Variants in NXN observed in about 807,000 individuals in gnomAD.
NXN encodes the protein nucleoredoxin 1.
NXN carries 16 observed loss-of-function variants against 48.6 expected under a neutral mutation model. That is an observed-to-expected ratio of 0.33 (90% CI 0.22 to 0.50). The LOEUF is 0.50. Among genes scored for constraint, NXN ranks in the 20% least tolerant of loss-of-function variants. The probability of loss-of-function intolerance (pLI) is 0.98; values close to 1 mark genes in which losing one functional copy is unlikely to be tolerated. For missense variants in NXN, 492 were observed against 605.5 expected (o/e 0.81, Z 1.97); for synonymous variants, 281 against 269.6 (o/e 1.04, Z -0.41).
At chr17:963,851 GCA>G (rs1246924423) in intron 1 of NXN, among the ~76,000 whole-genome samples, 4 of 152,110 alleles carry the variant, frequency 2.6e-5, no homozygotes, top group Admixed American at 6.6e-5. Flanking sequence ...GCCGAGGAGG[GCA>G]GATCACGAGG....
chr17:900,999 C>T (rs2068532796), intron 1 of NXN, among the ~76,000 whole-genome samples: 1 of 143,528 alleles, frequency 7.0e-6, no homozygotes, highest in Admixed American at 7.5e-5. Flanking sequence ...TGGTTCATTG[C>T]AACCTCCACC....
At chr17:877,778 AG>A (rs1480957524) in intron 1 of NXN, 21 of 152,256 alleles carry the variant, frequency 1.4e-4, no homozygotes, top group Non-Finnish European at 1.5e-5. Context: ...GTAGCGTCTG[AG>A]CTGCTCTGTG....
chr17:805,334 C>CAG, intron 5 of NXN, 87 bp from the exon 6 acceptor site: 1 of 1,417,682 alleles, frequency 7.1e-7, no homozygotes. Flanking sequence ...GCCCGGGGTC[C>CAG]CCCCGACCGT....
At chr17:846,881 T>A (rs1597659196) in intron 1 of NXN, among the ~76,000 whole-genome samples, 1 of 151,312 alleles carries the variant, frequency 6.6e-6, no homozygotes, top group East Asian at 1.9e-4. Context: ...GGTGGAGGGG[T>A]ACAATGAATT....
intron 1 of NXN, among the ~76,000 whole-genome samples, chr17:851,167 C>T (rs1169665852): frequency 6.6e-6 from 1 of 152,256 alleles, no homozygotes; most frequent in African/African-American, 2.4e-5. Context: ...AACCTGGTCT[C>T]CAGACCACCC....
chr17:813,630 G>A (rs1912296310), intron 5 of NXN, among the ~76,000 whole-genome samples: 1 of 152,240 alleles, frequency 6.6e-6, no homozygotes, highest in Non-Finnish European at 1.5e-5. Flanking sequence ...GTCAAGAAGT[G>A]CATGCATATT....
intron 1 of NXN, among the ~76,000 whole-genome samples, chr17:832,486 C>T (rs1358606666): frequency 6.6e-6 from 1 of 152,022 alleles, no homozygotes; most frequent in African/African-American, 2.4e-5. Flanking sequence ...TGCCCAGCCT[C>T]AGCCAGGAAT....
At chr17:916,867 C>T (rs562443478) in intron 1 of NXN, among the ~76,000 whole-genome samples, 8 of 152,192 alleles carry the variant, frequency 5.3e-5, no homozygotes, top group South Asian at 2.1e-4. Context: ...CATTGCACTC[C>T]GGCCTGGGCA....
intron 1 of NXN, among the ~76,000 whole-genome samples, chr17:841,279 C>A (rs1914162988): frequency 6.6e-6 from 1 of 152,234 alleles, no homozygotes; most frequent in Admixed American, 6.5e-5. Context: ...GGCCCTCACG[C>A]TGCAGGGGCG....
chr17:976,404 A>T (rs1037944947), intron 1 of NXN, among the ~76,000 whole-genome samples: 2 of 152,222 alleles, frequency 1.3e-5, no homozygotes, highest in African/African-American at 4.8e-5. Flanking sequence ...AATTAGAACC[A>T]TACCCTTTGT....
At chr17:823,450 C>T (rs1034257923) in intron 3 of NXN, among the ~76,000 whole-genome samples, 182 bp downstream of exon 3, 1 of 151,958 alleles carries the variant, frequency 6.6e-6, no homozygotes, top group South Asian at 2.1e-4. Context: ...GAAGTCATTT[C>T]TTGCTGCTTT....
At chr17:948,806 C>T (rs1237135279) in intron 1 of NXN, among the ~76,000 whole-genome samples, 3 of 150,818 alleles carry the variant, frequency 2.0e-5, no homozygotes, top group Non-Finnish European at 4.4e-5. Flanking sequence ...GGCCAGGGCA[C>T]GGCCTCCTCC....
chr17:835,575 C>A (rs575930332), intron 1 of NXN, among the ~76,000 whole-genome samples: 2 of 152,258 alleles, frequency 1.3e-5, no homozygotes, highest in East Asian at 3.9e-4. Context: ...GGAATGCAGG[C>A]CAGAAACGCT....
chr17:864,821 G>A (rs933544403), intron 1 of NXN, among the ~76,000 whole-genome samples: 4 of 152,162 alleles, frequency 2.6e-5, no homozygotes, highest in Admixed American at 6.6e-5. Flanking sequence ...TCCTGAAAAC[G>A]GAGGCAACCC....
At chr17:857,480 C>T (rs2067998295) in intron 1 of NXN, among the ~76,000 whole-genome samples, 1 of 151,988 alleles carries the variant, frequency 6.6e-6, no homozygotes, top group Non-Finnish European at 1.5e-5. Flanking sequence ...AGGCTGGTCT[C>T]GAACTCCTGC....
intron 1 of NXN, among the ~76,000 whole-genome samples, chr17:833,702 G>C (rs77040327): frequency 0.033 from 5,011 of 152,128 alleles, 267 homozygotes; most frequent in African/African-American, 0.11. Flanking sequence ...ACTGATCACG[G>C]GAGGTCTACA....
At chr17:938,380 A>C (rs1309995997) in intron 1 of NXN, among the ~76,000 whole-genome samples, 1 of 152,240 alleles carries the variant, frequency 6.6e-6, no homozygotes, top group African/African-American at 2.4e-5. Context: ...AGGCCGAGCC[A>C]AAGAAAAGGT....
At position 842,635 on chromosome 17, in the gene NXN, G is replaced by A. The variant is rs76721766; in HGVS notation, c.361-16557C>T. 6.0e-3 allele frequency: 5,393 copies of A among 895,066 alleles called. 18 individuals carry two copies. The highest frequency in any genetic ancestry group is 0.012 in the Middle Eastern group (21 of 1,744). The allele number at this position is 895,066 out of a possible 1,614,324, so 55.4% of individuals were successfully genotyped here. ...CAGGCAACTTGGCTACTAAACTTCC[G>A]TTCAGAAAGTGCACCTTCAGGGCAG... is the stretch of plus-strand genomic sequence containing the variant. On this transcript the variant is annotated intron_variant, in intron 1 of 7. Coordinates refer to ENST00000336868, the MANE Select transcript of NXN (RefSeq NM_022463.5).
chr17:836,127 G>A (rs8071462), intron 1 of NXN, among the ~76,000 whole-genome samples: 39,371 of 126,414 alleles, frequency 0.31, 6,779 homozygotes, highest in Middle Eastern at 0.42. Context: ...GGCCGCAGGG[G>A]AAAAACACCG....
Sources: allele counts gnomAD v4.1 joint callset (sites outside exome capture counted in the v4.1 genomes callset), GRCh38; gene constraint gnomAD v4.1.1; transcripts MANE v1.5; gene names NCBI Gene and HGNC (gene_info 2026-07-23, HGNC 2026-07-21).